HSD17B12: variants seen among roughly 807,000 people sequenced by gnomAD.
HSD17B12 encodes the protein hydroxysteroid 17-beta dehydrogenase 12.
In HSD17B12, 32 loss-of-function variants were observed where a neutral mutation model predicts 39.3. The ratio of observed to expected loss-of-function variants is 0.81; its 90% CI spans 0.61 to 1.09. The LOEUF (loss-of-function observed/expected upper bound fraction) is 1.09. Among genes scored for constraint, HSD17B12 ranks in the 50% least tolerant of loss-of-function variants. The pLI, the probability that HSD17B12 is intolerant of heterozygous loss-of-function variation, is 0.00. For synonymous variants in HSD17B12, 150 were observed against 146.7 expected (o/e 1.02, Z -0.16); for missense variants, 342 against 382.9 (o/e 0.89, Z 0.89).
At chr11:43,630,164 G>T in the HSD17B12 span, among the ~76,000 whole-genome samples, 1 of 151,986 alleles carries the variant, frequency 6.6e-6, no homozygotes, top group East Asian at 1.9e-4. Flanking sequence ...ATATGGGTAA[G>T]CATTTTGGAA....
intron 1 of HSD17B12, chr11:43,733,868 C>T (rs567375644): frequency 4.4e-6 from 3 of 675,224 alleles, no homozygotes; most frequent in Non-Finnish European, 8.3e-6. Context: ...CACAGAGCTG[C>T]GATCTTTGAC....
intron 4 of HSD17B12, among the ~76,000 whole-genome samples, chr11:43,798,834 C>T (rs999154728): frequency 5.9e-5 from 9 of 152,242 alleles, no homozygotes; most frequent in Admixed American, 5.9e-4. Context: ...TAAAACAATG[C>T]CTACACATCA....
chr11:43,753,986 C>A, intron 2 of HSD17B12, 60 bp from the exon 3 acceptor site: 1 of 1,073,156 alleles, frequency 9.3e-7, no homozygotes, highest in Non-Finnish European at 1.4e-6. Context: ...GGGGTTATAG[C>A]TCATTAATGT....
the HSD17B12 span, among the ~76,000 whole-genome samples, chr11:43,619,261 TTA>T: frequency 0.033 from 2,684 of 80,706 alleles, 138 homozygotes; most frequent in African/African-American, 0.1. Context: ...TATATATATT[TTA>T]TATATATATG....
chr11:43,599,761 A>C, the HSD17B12 span, among the ~76,000 whole-genome samples: 1 of 152,222 alleles, frequency 6.6e-6, no homozygotes, highest in South Asian at 2.1e-4. Context: ...GGATATAGAC[A>C]CTCAGATATT....
chr11:43,586,720 T>G, the HSD17B12 span, among the ~76,000 whole-genome samples: 1 of 152,216 alleles, frequency 6.6e-6, no homozygotes, highest in African/African-American at 2.4e-5. Context: ...AAACCCTGGA[T>G]TGAACTCCAC....
intron 3 of HSD17B12, among the ~76,000 whole-genome samples, chr11:43,759,649 C>G (rs1178572392): frequency 6.6e-6 from 1 of 152,148 alleles, no homozygotes; most frequent in Non-Finnish European, 1.5e-5. Context: ...CCTGTTGGTT[C>G]ACAGATTGTA....
At chr11:43,787,465 G>A (rs1280820130) in intron 3 of HSD17B12, among the ~76,000 whole-genome samples, 2 of 152,030 alleles carry the variant, frequency 1.3e-5, no homozygotes, top group Non-Finnish European at 2.9e-5. Flanking sequence ...GGCCGGGCAC[G>A]GTGGCTGACA....
chr11:43,635,410 CTTATT>C, the HSD17B12 span, among the ~76,000 whole-genome samples: 1 of 152,024 alleles, frequency 6.6e-6, no homozygotes, highest in Non-Finnish European at 1.5e-5. Flanking sequence ...AATAATACCA[CTTATT>C]TTATTTTTTA....
At chr11:43,644,065 G>T in the HSD17B12 span, among the ~76,000 whole-genome samples, 2 of 152,164 alleles carry the variant, frequency 1.3e-5, no homozygotes, top group Non-Finnish European at 2.9e-5. Context: ...GAAAATTTCC[G>T]AAGTTACTTT....
At chr11:43,757,339 A>C (rs1213720000) in intron 3 of HSD17B12, among the ~76,000 whole-genome samples, 1 of 152,208 alleles carries the variant, frequency 6.6e-6, no homozygotes, top group Non-Finnish European at 1.5e-5. Flanking sequence ...GAGACAGTAA[A>C]AACAAATAGG....
chr11:43,717,070 A>T (rs943663357), intron 1 of HSD17B12, among the ~76,000 whole-genome samples: 1 of 152,160 alleles, frequency 6.6e-6, no homozygotes, highest in East Asian at 1.9e-4. Flanking sequence ...GTGATAAAGC[A>T]TCCAAGTAAC....
At chr11:43,755,650 T>C (rs905288756) in intron 3 of HSD17B12, 3 of 152,240 alleles carry the variant, frequency 2.0e-5, no homozygotes, top group African/African-American at 7.2e-5. Context: ...CATTACCACC[T>C]ACTGCTAACA....
chr11:43,823,593 C>A (rs1000812133), intron 6 of HSD17B12, among the ~76,000 whole-genome samples: 2 of 152,036 alleles, frequency 1.3e-5, no homozygotes, highest in African/African-American at 4.8e-5. Context: ...TAGATTGAGT[C>A]TCTCTTTCAG....
intron 9 of HSD17B12, among the ~76,000 whole-genome samples, chr11:43,844,355 T>A (rs1190079407): frequency 1.3e-5 from 2 of 152,208 alleles, no homozygotes; most frequent in African/African-American, 4.8e-5. Flanking sequence ...AATTCAGATT[T>A]GCCATTATAT....
chr11:43,819,230 C>G lies in HSD17B12; in HGVS notation c.501+2839C>G, dbSNP rs374169972. ...TAGTATTTTCTCTTATAACCTCCTG[C>G]TTGTCTACACTTACATGTTTGTATA... On this transcript the variant is annotated intron_variant, in intron 6 of 10. Coordinates refer to ENST00000278353, the MANE Select transcript of HSD17B12 (RefSeq NM_016142.3). Among the ~76,000 whole-genome samples, 48 of 152,244 alleles carry G rather than the reference C, an allele frequency of 3.2e-4. No individual in the cohort carries two copies. In the South Asian group the frequency reaches 8.9e-3, roughly 28 times the overall value.
At chr11:43,750,416 T>G (rs945412990) in intron 1 of HSD17B12, among the ~76,000 whole-genome samples, 3 of 152,174 alleles carry the variant, frequency 2.0e-5, no homozygotes, top group African/African-American at 7.2e-5. Flanking sequence ...TAGTTTTGCT[T>G]CTTTTGTTTT....
intron 3 of HSD17B12, among the ~76,000 whole-genome samples, chr11:43,768,433 C>A (rs577933778): frequency 6.6e-6 from 1 of 152,324 alleles, no homozygotes; most frequent in African/African-American, 2.4e-5. Flanking sequence ...TGGTTCACTG[C>A]AGCCTCTGCC....
At chr11:43,601,343 T>G in the HSD17B12 span, among the ~76,000 whole-genome samples, 1 of 152,036 alleles carries the variant, frequency 6.6e-6, no homozygotes, top group African/African-American at 2.4e-5. Context: ...GTCTTGTATA[T>G]ACTTGCATTG....
Sources: allele counts gnomAD v4.1 joint callset (sites outside exome capture counted in the v4.1 genomes callset), GRCh38; gene constraint gnomAD v4.1.1; transcripts MANE v1.5; gene names NCBI Gene and HGNC (gene_info 2026-07-23, HGNC 2026-07-21).